Variants in TPM2 observed in about 807,000 individuals in gnomAD.
TPM2 encodes tropomyosin beta chain.
Under a neutral mutation model 41.0 loss-of-function variants are expected in TPM2, and 26 were observed. The observed-to-expected ratio is 0.63, with a 90% CI of 0.46 to 0.88. The LOEUF (loss-of-function observed/expected upper bound fraction) is 0.88. Ranked by LOEUF, TPM2 falls within the 40% of genes least tolerant of loss-of-function variation. TPM2 has a pLI of 0.00. For missense variants in TPM2, 187 were observed against 355.2 expected (o/e 0.53, Z 3.81); for synonymous variants, 143 against 139.3 (o/e 1.03, Z -0.19).
chr9:35,689,216 A>T lies in TPM2; in HGVS notation c.170T>A (p.Val57Glu), dbSNP rs1825112307. The change falls in exon 2 of 9, where the codon GTG becomes GAG. Residue 57 changes from valine (V) to glutamate (E), a missense_variant. By Grantham distance (121) the Val-to-Glu change is moderately radical. Transcript: ENST00000645482. ...CTTCACGGATTCAGAATACTTTTCC[A>T]CCTCATCCTCTGTCCCCTTCAGCTT... ...QKKLKGTEDEVEKYSESVKEA... is the reference protein window; with the variant it reads ...QKKLKGTEDEEEKYSESVKEA... 1 of 1,613,910 alleles carries T rather than the reference A, an allele frequency of 6.2e-7. No individual in the cohort carries two copies. Among genetic ancestry groups the T allele is most frequent in the East Asian group, 2.2e-5 (1 of 44,850 alleles).
intron 2 of TPM2, chr9:35,686,226 G>A: frequency 1.3e-5 from 3 of 239,094 alleles, no homozygotes; most frequent in Non-Finnish European, 2.5e-5. Flanking sequence ...CTCCAGCCTG[G>A]GTAAAAAGAA....
At chr9:35,689,296 C>T (rs757205541) in intron 1 of TPM2, 25 bp from the exon 2 acceptor site, 6 of 1,613,636 alleles carry the variant, frequency 3.7e-6, no homozygotes, top group Admixed American at 3.3e-5. Context: ...ACTTGGTCAG[C>T]CAGGCTGGGA....
intron 2 of TPM2, among the ~76,000 whole-genome samples, chr9:35,687,653 C>T (rs372425660): frequency 1.3e-5 from 2 of 151,826 alleles, no homozygotes; most frequent in Non-Finnish European, 1.5e-5. Context: ...GGCCGGATGA[C>T]AGTGTGGAAG....
chr9:35,682,029 T>C, downstream of TPM2: 1 of 1,592,346 alleles, frequency 6.3e-7, no homozygotes, highest in South Asian at 1.1e-5. Context: ...GTAACATCAG[T>C]TTTATTGGGT....
chr9:35,684,589 C>A, intron 6 of TPM2, 39 bp from the exon 7 acceptor site: 1 of 1,613,850 alleles, frequency 6.2e-7, no homozygotes, highest in Non-Finnish European at 8.5e-7. Flanking sequence ...ACAGCGCTAC[C>A]ACAGATCCTT....
chr9:35,683,284 AG>A, intron 8 of TPM2, 43 bp from the exon 9 acceptor site: 1 of 1,513,748 alleles, frequency 6.6e-7, no homozygotes, highest in South Asian at 1.2e-5. Flanking sequence ...AGTGTGGGAA[AG>A]GGAGTGGAGG....
In TPM2 at chr9:35,689,403, G is replaced by A. The variant is rs570958080; in HGVS notation, c.115-132C>T. The A allele has an allele frequency of 9.4e-5, 140 of 1,486,290 alleles. 2 individuals carry two copies. The South Asian group carries it at 1.2e-3, about 13-fold the overall frequency. The allele number at this position is 1,486,290 out of a possible 1,614,324, so 92.1% of individuals were successfully genotyped here. ...GAAGCGGAATAACATAAAAGGGACA[G>A]TACAGTCAAGGGTACTGGTGGGACC... On this transcript the variant is annotated intron_variant, in intron 1 of 8. Coordinates refer to ENST00000645482, the MANE Select transcript of TPM2 (RefSeq NM_003289.4).
downstream of TPM2, chr9:35,682,009 T>C (rs1824591364): frequency 3.9e-6 from 6 of 1,519,198 alleles, no homozygotes; most frequent in Non-Finnish European, 5.5e-6. Context: ...TAAAGGGCCT[T>C]GAGAGGCTAG....
intron 2 of TPM2, among the ~76,000 whole-genome samples, chr9:35,688,859 A>T (rs1488142067): frequency 6.6e-6 from 1 of 152,078 alleles, no homozygotes; most frequent in Non-Finnish European, 1.5e-5. Flanking sequence ...TATACCTTCC[A>T]CCCCCACAAT....
chr9:35,689,554 C>G, intron 1 of TPM2, 150 bp downstream of exon 1: 1 of 1,426,130 alleles, frequency 7.0e-7, no homozygotes, highest in African/African-American at 1.4e-5. Flanking sequence ...GCGGCTCTGG[C>G]GAAGGCCCTG....
chr9:35,688,594 A>C (rs867416903), intron 2 of TPM2, among the ~76,000 whole-genome samples: 1 of 152,088 alleles, frequency 6.6e-6, no homozygotes, highest in Non-Finnish European at 1.5e-5. Flanking sequence ...CTGACAGCTT[A>C]ATGAGGGTAA....
intron 8 of TPM2, 38 bp from the exon 9 acceptor site, chr9:35,683,279 G>T: frequency 6.5e-7 from 1 of 1,533,202 alleles, no homozygotes; most frequent in Non-Finnish European, 8.9e-7. Flanking sequence ...GTGGGAGTGT[G>T]GGAAAGGGAG....
rs1407694566 is a variant in TPM2, at chr9:35,689,275, G to T, written c.115-4C>A. 1.9e-6 allele frequency: 3 copies of T among 1,613,918 alleles called. No individual in the cohort carries two copies. Among genetic ancestry groups the T allele is most frequent in the African/African-American group, 2.7e-5 (2 of 74,944 alleles). On this transcript the variant is annotated splice_polypyrimidine_tract_variant and splice_region_variant and intron_variant, in intron 1 of 8. Coordinates refer to ENST00000645482, the MANE Select transcript of TPM2 (RefSeq NM_003289.4). The stretch of plus-strand genomic sequence containing the variant: ...GGGCCTGCTGCTCCTCCTCCAGCTG[G>T]GACAGAGGGGACTTGGTCAGCCAGG...
At chr9:35,683,473 T>A (rs927911961) in intron 8 of TPM2, among the ~76,000 whole-genome samples, 1 of 152,140 alleles carries the variant, frequency 6.6e-6, no homozygotes, top group African/African-American at 2.4e-5. Context: ...GCTCTACCCA[T>A]GGCAGCTCCT....
At chr9:35,682,229 CA>C, downstream of TPM2, 1 of 1,539,140 alleles carries the variant, frequency 6.5e-7, no homozygotes, top group South Asian at 1.1e-5. Context: ...GAGGCAGGGC[CA>C]GGGGAAGGTG....
rs1825060496 is a variant in TPM2, at chr9:35,688,382, A to G, written c.240+764T>C. Among the ~76,000 whole-genome samples the G allele has an allele frequency of 2.0e-5, 3 of 152,390 alleles. No individual in the cohort carries two copies. In the South Asian group the frequency reaches 6.2e-4, roughly 32 times the overall value. ...GGAAGGAAGATGGGGAAACTGAGGCAGAGAATGGGGAAACTACCACCACAC... is the reference window on the plus strand; with the variant it reads ...GGAAGGAAGATGGGGAAACTGAGGCGGAGAATGGGGAAACTACCACCACAC... On this transcript the variant is annotated intron_variant, in intron 2 of 8. Coordinates refer to ENST00000645482, the MANE Select transcript of TPM2 (RefSeq NM_003289.4).
At chr9:35,688,196 G>A (rs1048727191) in intron 2 of TPM2, among the ~76,000 whole-genome samples, 2 of 152,154 alleles carry the variant, frequency 1.3e-5, no homozygotes, top group African/African-American at 4.8e-5. Context: ...CAAGTGCCAG[G>A]ACTGGTGGAG....
At chr9:35,688,998 C>G (rs1825096209) in intron 2 of TPM2, 148 bp downstream of exon 2, 1 of 945,806 alleles carries the variant, frequency 1.1e-6, no homozygotes, top group East Asian at 2.4e-5. Flanking sequence ...GTAAGTTTAC[C>G]CTAGCCCTGG....
Position 35,683,131 on chromosome 9 carries a change from A to G in TPM2, c.*28T>C. 6.4e-7 allele frequency: 1 copy of G among 1,551,882 alleles called. No individual in the cohort carries two copies. Among genetic ancestry groups the G allele is most frequent in the Non-Finnish European group, 8.7e-7 (1 of 1,147,086 alleles). On this transcript the variant is annotated 3_prime_UTR_variant, in exon 9 of 9. Transcript: ENST00000645482. ...GAATGGAAAGGAGAGGAGAGAAGAG[A>G]GCTGAGGTGGCCACGCTGGCGTGGG...
Sources: gnomAD v4.1 joint callset for allele counts (sites outside exome capture counted in the v4.1 genomes callset) on GRCh38, gnomAD v4.1.1 for gene constraint, MANE v1.5 for transcripts, NCBI Gene and HGNC (gene_info 2026-07-23, HGNC 2026-07-21) for gene names.